The following CLPTM1 variants were observed in gnomAD, a reference collection of about 807,000 sequenced individuals.
The protein encoded by CLPTM1 is CLPTM1 regulator of GABA type A receptor forward trafficking, also known as putative lipid scramblase CLPTM1.
CLPTM1 carries 21 observed loss-of-function variants against 77.3 expected under a neutral mutation model. The observed-to-expected ratio is 0.27, with a 90% CI of 0.19 to 0.39. CLPTM1 has a LOEUF of 0.39. Ranked by LOEUF, CLPTM1 falls within the 10% of genes least tolerant of loss-of-function variation. The pLI is 1.00. For synonymous variants in CLPTM1, 373 were observed against 381.0 expected, an observed-to-expected ratio of 0.98 and a Z score of 0.24; for missense variants, 642 against 921.2, an observed-to-expected ratio of 0.70 and a Z score of 3.92.
At chr19:44,983,223 G>GT (rs1970925250) in intron 5 of CLPTM1, among the ~76,000 whole-genome samples, 1 of 152,150 alleles carries the variant, frequency 6.6e-6, no homozygotes, top group Non-Finnish European at 1.5e-5. Context: ...AGCCCCCGCT[G>GT]TTGGCCAGGT....
chr19:44,984,071 G>A (rs975327909), intron 5 of CLPTM1, among the ~76,000 whole-genome samples: 1 of 152,260 alleles, frequency 6.6e-6, no homozygotes, highest in Admixed American at 6.5e-5. Flanking sequence ...ATGGCAGGGG[G>A]CCTGTGGCCA....
chr19:44,986,520 C>A lies in CLPTM1; in HGVS notation c.738C>A (p.Ile246=). The stretch of plus-strand genomic sequence containing the variant: ...GGCACCCCAACATCACCATCAACAT[C>A]GTGGACGACCACACGCCGTGGGTGA... ...SHWHPNITIN[I]VDDHTPWVKG... is the part of the protein sequence containing the mutation. Residue 246 remains isoleucine, a synonymous_variant, in exon 7 of 14, where the codon ATC becomes ATA. Coordinates refer to ENST00000337392, the MANE Select transcript of CLPTM1 (RefSeq NM_001294.4). The A allele has an allele frequency of 6.2e-7, 1 of 1,614,130 alleles. No homozygotes were observed. The highest frequency in any genetic ancestry group is 8.5e-7 in the Non-Finnish European group (1 of 1,180,012).
At position 44,991,019 on chromosome 19, in the gene CLPTM1, C is replaced by G. The variant is rs1971066101; in HGVS notation, c.1419+74C>G. 2 of 1,366,436 alleles carry G rather than the reference C, an allele frequency of 1.5e-6. No homozygotes were observed. Among genetic ancestry groups the G allele is most frequent in the African/African-American group, 2.9e-5 (2 of 69,604 alleles). 84.6% of individuals were successfully genotyped at this position (1,366,436 alleles called of 1,614,324 possible). ...GTATCCCTGAGGCACCCGGGGCCGG[C>G]CATCTGTCTGCCGGACCCATGCTTT... On this transcript the variant is annotated intron_variant, in intron 11 of 13. Coordinates refer to ENST00000337392, the MANE Select transcript of CLPTM1 (RefSeq NM_001294.4). This position sits in a 1 kb window ranked among gnomAD's most constrained non-coding sequence, Gnocchi z 5.4.
chr19:44,985,566 G>A (rs1194978601), intron 6 of CLPTM1, among the ~76,000 whole-genome samples: 1 of 152,184 alleles, frequency 6.6e-6, no homozygotes, highest in Admixed American at 6.5e-5. Context: ...CAGTCCCATT[G>A]TCACATGAGG....
At chr19:44,958,178 C>G (rs989156213) in intron 1 of CLPTM1, among the ~76,000 whole-genome samples, 4 of 151,914 alleles carry the variant, frequency 2.6e-5, no homozygotes, top group African/African-American at 9.7e-5. Flanking sequence ...CAAAGATACA[C>G]GAGGGAAAAG....
chr19:44,987,880 A>G, intron 8 of CLPTM1, 200 bp from the exon 9 acceptor site: 1 of 607,048 alleles, frequency 1.6e-6, no homozygotes, highest in East Asian at 2.8e-5. Flanking sequence ...CTCTTCCCCT[A>G]GTGCCATCTC....
intron 2 of CLPTM1, among the ~76,000 whole-genome samples, chr19:44,968,116 A>G (rs1033570223): frequency 1.3e-5 from 2 of 152,260 alleles, no homozygotes; most frequent in East Asian, 1.9e-4. Flanking sequence ...CTTCCTTCAG[A>G]GAGACATTTT....
chr19:44,961,499 G>A (rs921340698), intron 1 of CLPTM1, among the ~76,000 whole-genome samples: 3 of 152,170 alleles, frequency 2.0e-5, no homozygotes, highest in African/African-American at 7.2e-5. Context: ...ATCAGACTGT[G>A]CCTCTAATCT....
intron 6 of CLPTM1, among the ~76,000 whole-genome samples, chr19:44,985,940 TC>T (rs1970970069): frequency 6.6e-6 from 1 of 152,158 alleles, no homozygotes; most frequent in Non-Finnish European, 1.5e-5. Flanking sequence ...ACCTCGGTTT[TC>T]TACATGTGGG....
At chr19:44,955,376 CG>C, upstream of CLPTM1, 1 of 631,172 alleles carries the variant, frequency 1.6e-6, no homozygotes. Flanking sequence ...GCGGCGGGGG[CG>C]GGGACCCGGA....
chr19:44,977,736 T>C (rs1970828303), intron 5 of CLPTM1, among the ~76,000 whole-genome samples: 1 of 152,026 alleles, frequency 6.6e-6, no homozygotes, highest in Non-Finnish European at 1.5e-5. Flanking sequence ...CAGGGACTCT[T>C]GGAGAGGAGG....
intron 3 of CLPTM1, 131 bp downstream of exon 3, chr19:44,973,341 G>A (rs941078829): frequency 1.5e-5 from 19 of 1,242,192 alleles, no homozygotes; most frequent in Non-Finnish European, 1.8e-5. Context: ...ACAGGTCCAG[G>A]GTTGAGGAAC....
In CLPTM1 at chr19:44,990,717, T is replaced by G; in HGVS notation, c.1323+132T>G. 1 of 1,333,020 alleles carries G rather than the reference T, an allele frequency of 7.5e-7. No homozygotes were observed. The highest frequency in any genetic ancestry group is 1.1e-6 in the Non-Finnish European group (1 of 947,368). The allele number at this position is 1,333,020 out of a possible 1,614,324, so 82.6% of individuals were successfully genotyped here. ...CTCACTCCCAGGACTGAGGGGATTT[T>G]CTCACCAGGGGATTTTTTGGGTCAC... On this transcript the variant is annotated intron_variant, in intron 10 of 13. Coordinates refer to ENST00000337392, the MANE Select transcript of CLPTM1 (RefSeq NM_001294.4). The surrounding 1 kb of genome is among the most constrained non-coding windows in gnomAD (Gnocchi z 4.8).
At chr19:44,981,012 T>C (rs1243534953) in intron 5 of CLPTM1, among the ~76,000 whole-genome samples, 1 of 151,948 alleles carries the variant, frequency 6.6e-6, no homozygotes, top group African/African-American at 2.4e-5. Context: ...TAATGGTTTT[T>C]TTGTATTTTT....
intron 1 of CLPTM1, 98 bp downstream of exon 1, chr19:44,955,565 G>C: frequency 1.7e-6 from 2 of 1,145,852 alleles, no homozygotes. Context: ...CGTGCACTGG[G>C]GGCTCCTTGG....
chr19:44,954,704 T>C, upstream of CLPTM1: 2 of 1,196,370 alleles, frequency 1.7e-6, no homozygotes, highest in Non-Finnish European at 2.1e-6. Context: ...GATGCGAGGT[T>C]TGGACCACTG....
rs1791998568 is a variant in CLPTM1 at position 44,990,111 on chromosome 19, A to G, written c.1133-284A>G. 4.4e-6 allele frequency: 2 copies of G among 452,440 alleles called. No homozygotes were observed. Among genetic ancestry groups the G allele is most frequent in the Admixed American group, 3.6e-5 (1 of 27,548 alleles). The allele number at this position is 452,440 out of a possible 1,614,324, so 28.0% of individuals were successfully genotyped here. Reference sequence around the variant, plus strand: ...ACCTGGCACGTGGTGAGCCCTGTCCATGGCACCAGTCACCGTCACCATCAG... The same window carrying G: ...ACCTGGCACGTGGTGAGCCCTGTCCGTGGCACCAGTCACCGTCACCATCAG... On this transcript the variant is annotated intron_variant, in intron 9 of 13. Transcript: ENST00000337392. This position sits in a 1 kb window ranked among gnomAD's most constrained non-coding sequence, Gnocchi z 4.8.
chr19:44,961,031 GTCC>G (rs1349417199), intron 1 of CLPTM1, among the ~76,000 whole-genome samples: 1 of 152,180 alleles, frequency 6.6e-6, no homozygotes, highest in Non-Finnish European at 1.5e-5. Flanking sequence ...TGAGTGAAGA[GTCC>G]TCCTCTGGGA....
chr19:44,956,698 T>G (rs1316444280), intron 1 of CLPTM1, among the ~76,000 whole-genome samples: 1 of 152,126 alleles, frequency 6.6e-6, no homozygotes, highest in Non-Finnish European at 1.5e-5. Flanking sequence ...GGGTTTCTGT[T>G]GATTATTGGG....
Sources: allele counts gnomAD v4.1 joint callset (sites outside exome capture counted in the v4.1 genomes callset), GRCh38; gene constraint gnomAD v4.1.1; non-coding constraint Gnocchi (gnomAD v3.1); transcripts MANE v1.5; gene names NCBI Gene and HGNC (gene_info 2026-07-23, HGNC 2026-07-21).